LGSN: variants seen among roughly 807,000 people sequenced by gnomAD.
The protein encoded by LGSN is lengsin.
A neutral mutation model predicts 19.5 loss-of-function variants in LGSN; 21 were observed. The ratio of observed to expected loss-of-function variants is 1.07; its 90% CI spans 0.76 to 1.55. The LOEUF (loss-of-function observed/expected upper bound fraction) is 1.55, where lower values mean the gene tolerates loss of function less well. LGSN is among the 40% of genes most tolerant of loss of function. LGSN has a pLI of 0.00. For synonymous variants in LGSN, 257 were observed against 215.6 expected, an observed-to-expected ratio of 1.19 and a Z score of -1.68; for missense variants, 673 against 608.5, an observed-to-expected ratio of 1.11 and a Z score of -1.12.
chr6:63,278,885 C>G lies in LGSN; in HGVS notation c.*1136G>C, dbSNP rs138623581. The stretch of plus-strand genomic sequence containing the variant: ...TTCTAATCCTCTGCTTGTGCAATTG[C>G]TATCTAAATTGAGACTACAGTCAGT... On this transcript the variant is annotated 3_prime_UTR_variant, in exon 4 of 4. Transcript: ENST00000370657. The G allele has an allele frequency of 1.3e-5, 2 of 152,158 alleles. No individual in the cohort carries two copies. Among genetic ancestry groups the G allele is most frequent in the East Asian group, 1.9e-4 (1 of 5,190 alleles). 9.4% of individuals were successfully genotyped at this position (152,158 alleles called of 1,614,324 possible). A position where few individuals can be genotyped will look rare whatever the true frequency, so the allele number is the denominator to read the frequency against.
At chr6:63,539,512 T>C in the LGSN span, among the ~76,000 whole-genome samples, 2 of 152,160 alleles carry the variant, frequency 1.3e-5, no homozygotes, top group African/African-American at 4.8e-5. Flanking sequence ...GTGTGTTGGC[T>C]CACTCCTGTA....
the LGSN span, among the ~76,000 whole-genome samples, chr6:63,483,526 C>T: frequency 1.3e-5 from 2 of 151,962 alleles, no homozygotes; most frequent in Non-Finnish European, 2.9e-5. Flanking sequence ...CCACCACGCC[C>T]GGCTAATTTT....
At chr6:63,514,934 A>T in the LGSN span, among the ~76,000 whole-genome samples, 1 of 151,732 alleles carries the variant, frequency 6.6e-6, no homozygotes, top group South Asian at 2.1e-4. Flanking sequence ...AAACTCCTGG[A>T]TGAAAGGGTA....
chr6:63,544,344 TTCTC>T, the LGSN span, among the ~76,000 whole-genome samples: 9 of 152,218 alleles, frequency 5.9e-5, no homozygotes, highest in Non-Finnish European at 1.2e-4. Flanking sequence ...CATTATTTCT[TTCTC>T]TATACTGTTT....
chr6:63,387,346 G>A, the LGSN span, among the ~76,000 whole-genome samples: 1 of 151,934 alleles, frequency 6.6e-6, no homozygotes, highest in Non-Finnish European at 1.5e-5. Flanking sequence ...ATTTTTTCTT[G>A]TAATATTCCT....
At chr6:63,363,335 C>T in the LGSN span, among the ~76,000 whole-genome samples, 863 of 152,314 alleles carry the variant, frequency 5.7e-3, 9 homozygotes, top group African/African-American at 0.019. Context: ...CAGAACAAAG[C>T]TGGACAGAGA....
chr6:63,353,234 G>A, the LGSN span, among the ~76,000 whole-genome samples: 2,901 of 152,150 alleles, frequency 0.019, 214 homozygotes, highest in East Asian at 0.24. Context: ...ACACCAAAGG[G>A]GAAGGAAATT....
intron 2 of LGSN, among the ~76,000 whole-genome samples, chr6:63,292,512 T>G (rs1767815054): frequency 6.6e-6 from 1 of 152,164 alleles, no homozygotes; most frequent in Admixed American, 6.6e-5. Context: ...CAATGTTACT[T>G]ATAGTGGTGA....
At chr6:63,454,797 T>TTTTC in the LGSN span, among the ~76,000 whole-genome samples, 5 of 134,416 alleles carry the variant, frequency 3.7e-5, no homozygotes, top group Non-Finnish European at 6.4e-5. Flanking sequence ...CTTTTTCTTT[T>TTTTC]TTTTTTTTTT....
the LGSN span, among the ~76,000 whole-genome samples, chr6:63,373,842 C>T: frequency 3.3e-5 from 5 of 151,342 alleles, no homozygotes; most frequent in African/African-American, 4.9e-5. Context: ...GGCTGAGGCA[C>T]GAGAATGGCT....
At chr6:63,434,496 C>T in the LGSN span, among the ~76,000 whole-genome samples, 2 of 148,154 alleles carry the variant, frequency 1.3e-5, no homozygotes, top group African/African-American at 5.0e-5. Flanking sequence ...CCGTGGCTCA[C>T]GTCTGTAATC....
At chr6:63,476,127 G>A in the LGSN span, among the ~76,000 whole-genome samples, 70,529 of 151,946 alleles carry the variant, frequency 0.46, 18,196 homozygotes, top group Non-Finnish European at 0.56. Context: ...ATGTAATGAA[G>A]CCATAAGAGA....
At chr6:63,572,490 G>T in the LGSN span, 2 of 387,712 alleles carry the variant, frequency 5.2e-6, no homozygotes, top group Non-Finnish European at 4.6e-6. Flanking sequence ...GCCTCGGCGC[G>T]TGTATTGGCT....
chr6:63,468,665 T>C, the LGSN span, among the ~76,000 whole-genome samples: 1 of 152,070 alleles, frequency 6.6e-6, no homozygotes, highest in African/African-American at 2.4e-5. Flanking sequence ...TGACCTCAGG[T>C]GATCTGCCCG....
At chr6:63,520,670 T>TAAATAAATAAAA in the LGSN span, among the ~76,000 whole-genome samples, 2 of 138,812 alleles carry the variant, frequency 1.4e-5, no homozygotes, top group Non-Finnish European at 3.1e-5. Context: ...AATAAATAAA[T>TAAATAAATAAAA]AAAATGAAAA....
At chr6:63,345,267 C>A in the LGSN span, among the ~76,000 whole-genome samples, 1 of 151,938 alleles carries the variant, frequency 6.6e-6, no homozygotes, top group African/African-American at 2.4e-5. Flanking sequence ...AAGGTGGTTT[C>A]TTTTTTATTT....
chr6:63,480,994 C>T, the LGSN span, among the ~76,000 whole-genome samples: 357 of 119,066 alleles, frequency 3.0e-3, 6 homozygotes, highest in Admixed American at 3.7e-3. Context: ...TATACACACA[C>T]ACATACATAC....
intron 1 of LGSN, among the ~76,000 whole-genome samples, chr6:63,300,610 G>C (rs1447569793): frequency 6.6e-6 from 1 of 152,096 alleles, no homozygotes; most frequent in Non-Finnish European, 1.5e-5. Flanking sequence ...AAATTGCAGT[G>C]AGCCAAGATC....
At chr6:63,527,756 A>G in the LGSN span, 1 of 152,184 alleles carries the variant, frequency 6.6e-6, no homozygotes, top group Admixed American at 6.5e-5. Flanking sequence ...GGGAAGTTAG[A>G]GCTTAGACAG....
Sources: allele counts gnomAD v4.1 joint callset (sites outside exome capture counted in the v4.1 genomes callset), GRCh38; gene constraint gnomAD v4.1.1; transcripts MANE v1.5; gene names NCBI Gene and HGNC (gene_info 2026-07-23, HGNC 2026-07-21).